The following DIS3L variants were observed in gnomAD, a reference collection of about 807,000 sequenced individuals.
DIS3L encodes the protein DIS3 like exosome 3'-5' exoribonuclease.
A neutral mutation model predicts 120.3 loss-of-function variants in DIS3L; 100 were observed. That is an observed-to-expected ratio of 0.83 (90% confidence interval 0.71 to 0.98). DIS3L has a LOEUF of 0.98. DIS3L is among the 50% of genes least tolerant of loss of function. The pLI, the probability that DIS3L is intolerant of heterozygous loss-of-function variation, is 0.00. For synonymous variants in DIS3L, 426 were observed against 470.6 expected, an observed-to-expected ratio of 0.91 and a Z score of 1.23; for missense variants, 1,196 against 1,314.2, an observed-to-expected ratio of 0.91 and a Z score of 1.39.
At chr15:66,319,781 T>A (rs2092860262) in intron 8 of DIS3L, among the ~76,000 whole-genome samples, 1 of 151,902 alleles carries the variant, frequency 6.6e-6, no homozygotes, top group Non-Finnish European at 1.5e-5. Flanking sequence ...GGGATTCAGT[T>A]TACACGACAC....
Position 66,333,286 on chromosome 15 carries a change from G to C in DIS3L, c.3139G>C (p.Asp1047His), listed in dbSNP as rs760374929. The C allele has an allele frequency of 1.9e-6, 3 of 1,604,630 alleles. No individual in the cohort carries two copies. Among genetic ancestry groups the C allele is most frequent in the Non-Finnish European group, 8.5e-7 (1 of 1,177,104 alleles). Residue 1047 changes from aspartate (D) to histidine (H), a missense_variant, in exon 17 of 17, where the codon GAT becomes CAT. Coordinates refer to ENST00000319212, the MANE Select transcript of DIS3L (RefSeq NM_001143688.3). ...GGAGATACGGGACCTAGCTCTCCTG[G>C]ATGTTTCAAACAATTATGGAATATG... ...LEEIRDLALLDVSNNYGI is the reference protein window; with the variant it reads ...LEEIRDLALLHVSNNYGI
chr15:66,327,307 A>G, intron 12 of DIS3L, among the ~76,000 whole-genome samples: 1 of 152,244 alleles, frequency 6.6e-6, no homozygotes, highest in South Asian at 2.1e-4. Context: ...CTTAAGTTAC[A>G]AAGAAATAAT....
At chr15:66,307,016 G>C in intron 3 of DIS3L, 64 bp downstream of exon 3, 1 of 1,595,892 alleles carries the variant, frequency 6.3e-7, no homozygotes, top group Non-Finnish European at 8.6e-7. Context: ...ATCATTGGCT[G>C]TTTGGGAGTT....
At chr15:66,321,709 T>G (rs547347105) in intron 9 of DIS3L, among the ~76,000 whole-genome samples, 25 of 148,282 alleles carry the variant, frequency 1.7e-4, no homozygotes, top group South Asian at 6.3e-4. Context: ...GAGGTTGCAG[T>G]GAGCCGAGAT....
chr15:66,321,079 A>T (rs976933008), intron 9 of DIS3L, among the ~76,000 whole-genome samples: 26 of 152,222 alleles, frequency 1.7e-4, no homozygotes, highest in African/African-American at 6.0e-4. Flanking sequence ...TGTCCAAATC[A>T]TTCAACCAGA....
intron 2 of DIS3L, among the ~76,000 whole-genome samples, chr15:66,306,033 A>G (rs188088030): frequency 6.6e-6 from 1 of 152,238 alleles, no homozygotes; most frequent in Non-Finnish European, 1.5e-5. Flanking sequence ...TGTGTAACCT[A>G]GGCTGGAATG....
At chr15:66,298,908 T>C (rs1595713332) in intron 2 of DIS3L, among the ~76,000 whole-genome samples, 1 of 152,032 alleles carries the variant, frequency 6.6e-6, no homozygotes, top group Non-Finnish European at 1.5e-5. Flanking sequence ...CCTGGCAGGG[T>C]GACAGGCAGT....
At chr15:66,324,953 T>C (rs1463597048) in intron 11 of DIS3L, among the ~76,000 whole-genome samples, 3 of 152,190 alleles carry the variant, frequency 2.0e-5, no homozygotes, top group Non-Finnish European at 4.4e-5. Flanking sequence ...GCAAAGAGTT[T>C]TTTTACTAAA....
rs149925389 is a variant in DIS3L at position 66,325,813 on chromosome 15, A to G, written c.1668-18A>G. 28 of 1,573,782 alleles carry G rather than the reference A, an allele frequency of 1.8e-5. No homozygotes were observed. Among genetic ancestry groups the G allele is most frequent in the Non-Finnish European group, 2.2e-5 (26 of 1,157,676 alleles). ...ATGAATTTGAATAGTGATGTTGTCA[A>G]TGTTACTGTTTTTGTAGGTATGCTG... On this transcript the variant is annotated intron_variant, in intron 11 of 16. Transcript: ENST00000319212.
intron 2 of DIS3L, among the ~76,000 whole-genome samples, chr15:66,303,974 C>T (rs981023364): frequency 6.6e-6 from 1 of 151,268 alleles, no homozygotes; most frequent in Admixed American, 6.6e-5. Context: ...TCTGCAGTCC[C>T]AGCTACTCGG....
chr15:66,333,285 G>A lies in DIS3L; in HGVS notation c.3138G>A (p.Leu1046=), dbSNP rs2093022737. 6.2e-7 allele frequency: 1 copy of A among 1,604,472 alleles called. No individual in the cohort carries two copies. Among genetic ancestry groups the A allele is most frequent in the South Asian group, 1.1e-5 (1 of 88,874 alleles). Reference sequence around the variant, plus strand: ...AGGAGATACGGGACCTAGCTCTCCTGGATGTTTCAAACAATTATGGAATAT... The same window carrying A: ...AGGAGATACGGGACCTAGCTCTCCTAGATGTTTCAAACAATTATGGAATAT... The part of the protein sequence containing the change: ...LLEEIRDLAL[L]DVSNNYGI Residue 1046 remains leucine, a synonymous_variant, in exon 17 of 17, where the codon CTG becomes CTA. Coordinates refer to ENST00000319212, the MANE Select transcript of DIS3L (RefSeq NM_001143688.3).
At chr15:66,302,927 C>T (rs1406554959) in intron 2 of DIS3L, among the ~76,000 whole-genome samples, 1 of 152,156 alleles carries the variant, frequency 6.6e-6, no homozygotes, top group African/African-American at 2.4e-5. Context: ...CATCTGTCTC[C>T]AGGACTTTTC....
At chr15:66,310,743 G>C (rs1186327931) in intron 4 of DIS3L, among the ~76,000 whole-genome samples, 1 of 152,204 alleles carries the variant, frequency 6.6e-6, no homozygotes, top group Non-Finnish European at 1.5e-5. Flanking sequence ...TGCTGGAGTT[G>C]ACAGAAAGTA....
At chr15:66,305,272 T>TA (rs1380142648) in intron 2 of DIS3L, among the ~76,000 whole-genome samples, 25 of 152,044 alleles carry the variant, frequency 1.6e-4, no homozygotes, top group Non-Finnish European at 3.5e-4. Context: ...GTGCTGGGAT[T>TA]ACATGTGTGA....
rs1384939522 is a variant in DIS3L, at chr15:66,318,620, T to C, written c.1164+2T>C. The stretch of plus-strand genomic sequence containing the variant: ...ACTCAGCAAGCAGAAACCCTCCAGG[T>C]AGTTGGCATTCTACCTCTACTATGG... On this transcript the variant is annotated splice_donor_variant, in intron 8 of 16. Transcript: ENST00000319212. LOFTEE classifies it high-confidence loss of function. 6.2e-7 allele frequency: 1 copy of C among 1,613,704 alleles called. No homozygotes were observed. The highest frequency in any genetic ancestry group is 1.1e-5 in the South Asian group (1 of 91,012).
chr15:66,315,260 AATTATATTTGTC>A, intron 7 of DIS3L, 45 bp downstream of exon 7: 5 of 1,537,864 alleles, frequency 3.3e-6, no homozygotes, highest in Non-Finnish European at 4.4e-6. Flanking sequence ...TTTCTTGTGG[AATTATATTTGTC>A]TCCTCTTTAG....
intron 4 of DIS3L, among the ~76,000 whole-genome samples, chr15:66,309,094 A>AAAAATATATAT: frequency 5.2e-4 from 8 of 15,310 alleles, no homozygotes; most frequent in South Asian, 8.5e-3. Context: ...AAAAAAAAAA[A>AAAAATATATAT]ATATATATAT....
chr15:66,323,465 C>T (rs368371164), intron 10 of DIS3L, 28 bp from the exon 11 acceptor site: 22 of 1,611,338 alleles, frequency 1.4e-5, no homozygotes, highest in Admixed American at 1.0e-4. Flanking sequence ...TGCTAAAGGT[C>T]GCGTTGCCGC....
At chr15:66,312,040 C>G in intron 5 of DIS3L, 140 bp downstream of exon 5, 1 of 1,014,402 alleles carries the variant, frequency 9.9e-7, no homozygotes. Context: ...AACCCTGTCT[C>G]TAGAAAAAAT....
Sources: gnomAD v4.1 joint callset for allele counts (sites outside exome capture counted in the v4.1 genomes callset) on GRCh38, gnomAD v4.1.1 for gene constraint, MANE v1.5 for transcripts, NCBI Gene and HGNC (gene_info 2026-07-23, HGNC 2026-07-21) for gene names.